CORIN: variants seen among roughly 807,000 people sequenced by gnomAD.
CORIN encodes the protein atrial natriuretic peptide-converting enzyme.
A neutral mutation model predicts 125.3 loss-of-function variants in CORIN; 117 were observed. The observed-to-expected ratio is 0.93, with a 90% CI of 0.80 to 1.09. CORIN has a LOEUF of 1.09. Among genes scored for constraint, CORIN ranks in the 50% least tolerant of loss-of-function variants. The pLI is 0.00. For missense variants in CORIN, 1,253 were observed against 1,306.7 expected (o/e 0.96, Z 0.63); for synonymous variants, 450 against 466.4 (o/e 0.96, Z 0.45).
In CORIN at chr4:47,613,725, G is replaced by A. The variant is rs1481783752; in HGVS notation, c.2540+9846C>T. On this transcript the variant is annotated intron_variant, in intron 19 of 21. Coordinates refer to ENST00000273857, the MANE Select transcript of CORIN (RefSeq NM_006587.4). Reference sequence around the variant, plus strand: ...TCGCAAGAACAAAAAACCAAACACCGCATGTTCTCACTCATAGGTGGGAAT... The same window carrying A: ...TCGCAAGAACAAAAAACCAAACACCACATGTTCTCACTCATAGGTGGGAAT... 4.1e-5 allele frequency among the ~76,000 whole-genome samples: 6 copies of A among 147,650 alleles called. No homozygotes were observed. The South Asian group carries it at 6.5e-4, about 16-fold the overall frequency.
At chr4:47,675,001 G>A (rs1724950523) in intron 9 of CORIN, among the ~76,000 whole-genome samples, 1 of 152,158 alleles carries the variant, frequency 6.6e-6, no homozygotes, top group African/African-American at 2.4e-5. Context: ...CATAATACAA[G>A]TGTTATGCAG....
intron 5 of CORIN, among the ~76,000 whole-genome samples, chr4:47,742,237 C>T (rs990497876): frequency 3.3e-5 from 5 of 151,802 alleles, no homozygotes; most frequent in African/African-American, 1.2e-4. Flanking sequence ...CCAAGAGTAT[C>T]CTAAAAACCC....
At chr4:47,828,588 T>C (rs1732837087) in intron 1 of CORIN, among the ~76,000 whole-genome samples, 1 of 152,200 alleles carries the variant, frequency 6.6e-6, no homozygotes, top group Non-Finnish European at 1.5e-5. Flanking sequence ...ACCTCCCAGA[T>C]AATCCAAGAT....
rs144941289 is a variant in CORIN, at chr4:47,661,719, T to C, written c.1727A>G (p.Tyr576Cys). 530 of 1,611,006 alleles carry C rather than the reference T, an allele frequency of 3.3e-4. 3 individuals carry two copies. The highest frequency in any genetic ancestry group is 9.9e-4 in the Middle Eastern group (6 of 6,050). The change falls in exon 12 of 22, where the codon TAT (tyrosine) becomes TGT (cysteine). Residue 576 changes from tyrosine to cysteine, a missense_variant. By Grantham distance (194) the Tyr-to-Cys change is radical (BLOSUM62 -2). Coordinates refer to ENST00000273857, the MANE Select transcript of CORIN (RefSeq NM_006587.4). The part of the protein sequence containing the change: ...DNQTCLMPDE[Y>C]VEECSPSHFK... ...TTAATTTTAAAATTAACCTTCCACA[T>C]ATTCATCAGGCATCAGGCAGGTTTG...
At position 47,613,960 on chromosome 4, in the gene CORIN, A is replaced by AT. The variant is rs967789946; in HGVS notation, c.2540+9610_2540+9611insA. ...GTACCCTAAAACTTAAAGTATAATA[A>AT]AAAAAAAAAAGAAATCAAAGTAATT... On this transcript the variant is annotated intron_variant, in intron 19 of 21. Coordinates refer to ENST00000273857, the MANE Select transcript of CORIN (RefSeq NM_006587.4). Among the ~76,000 whole-genome samples the AT allele has an allele frequency of 1.2e-4, 10 of 84,530 alleles. No individual in the cohort carries two copies. The East Asian group carries it at 0.012, about 101-fold the overall frequency. 55.5% of individuals were successfully genotyped at this position (84,530 alleles called of 152,430 possible).
intron 5 of CORIN, among the ~76,000 whole-genome samples, chr4:47,724,406 TA>T (rs1727496213): frequency 6.6e-6 from 1 of 152,020 alleles, no homozygotes; most frequent in South Asian, 2.1e-4. Context: ...AAAGGTCCAA[TA>T]TTGATGTCAT....
At chr4:47,808,997 T>C (rs899411750) in intron 1 of CORIN, among the ~76,000 whole-genome samples, 2 of 152,156 alleles carry the variant, frequency 1.3e-5, no homozygotes, top group Non-Finnish European at 2.9e-5. Flanking sequence ...TAAAGTGATA[T>C]AAGAATTCAA....
At chr4:47,810,259 C>G (rs946843707) in intron 1 of CORIN, among the ~76,000 whole-genome samples, 4 of 152,086 alleles carry the variant, frequency 2.6e-5, no homozygotes, top group African/African-American at 9.7e-5. Context: ...ATGATCTCGG[C>G]TCATTGCAAC....
At chr4:47,736,723 C>G (rs1261034159) in intron 5 of CORIN, among the ~76,000 whole-genome samples, 3 of 152,138 alleles carry the variant, frequency 2.0e-5, no homozygotes, top group African/African-American at 7.2e-5. Flanking sequence ...AGAACATGCC[C>G]TAAGAGTCTA....
intron 5 of CORIN, among the ~76,000 whole-genome samples, chr4:47,698,763 C>A (rs760190740): frequency 6.6e-6 from 1 of 152,162 alleles, no homozygotes; most frequent in Admixed American, 6.5e-5. Flanking sequence ...CCATGTACCA[C>A]GTAACAACAT....
At position 47,744,485 on chromosome 4, in the gene CORIN, C is replaced by A. The variant is rs1310476010; in HGVS notation, c.716G>T (p.Arg239Ile). 1 of 1,613,930 alleles carries A rather than the reference C, an allele frequency of 6.2e-7. No homozygotes were observed. Among genetic ancestry groups the A allele is most frequent in the Non-Finnish European group, 8.5e-7 (1 of 1,179,982 alleles). Residue 239 changes from arginine (R) to isoleucine (I), a missense_variant, in exon 5 of 22, where the codon AGA (arginine) becomes ATA (isoleucine). By Grantham distance (97) the Arg-to-Ile change is moderately conservative (BLOSUM62 -3). Transcript: ENST00000273857. ...MVNYSWPDFL[R>I]CSQFRNQTES... is the part of the protein sequence containing the mutation. ...AGTTTGGTTTCTAAACTGGGAGCAT[C>A]TGAGGAAATCCGGCCAGGAGTAATT...
At chr4:47,804,262 G>A (rs1731669176) in intron 2 of CORIN, among the ~76,000 whole-genome samples, 1 of 152,166 alleles carries the variant, frequency 6.6e-6, no homozygotes, top group Non-Finnish European at 1.5e-5. Flanking sequence ...TGATGGGAAT[G>A]TAAATTAGTA....
chr4:47,731,176 G>C (rs1218000056), intron 5 of CORIN, among the ~76,000 whole-genome samples: 1 of 152,232 alleles, frequency 6.6e-6, no homozygotes, highest in Non-Finnish European at 1.5e-5. Flanking sequence ...GGAGGGAAAA[G>C]CTGGGAGAAG....
At position 47,740,209 on chromosome 4, in the gene CORIN, C is replaced by T. The variant is rs115642400; in HGVS notation, c.799+4193G>A. On this transcript the variant is annotated intron_variant, in intron 5 of 21. Transcript: ENST00000273857. ...CAGAAACACAAATAGGTTGTAAGCT[C>T]AAAAATGGAAATTTTTAGGTGCCTA... Among the ~76,000 whole-genome samples the T allele has an allele frequency of 3.6e-3, 550 of 151,938 alleles. 4 individuals carry two copies. Among genetic ancestry groups the T allele is most frequent in the African/African-American group, 0.012 (514 of 41,536 alleles).
intron 11 of CORIN, among the ~76,000 whole-genome samples, chr4:47,664,047 A>T (rs948283478): frequency 2.0e-5 from 3 of 152,012 alleles, no homozygotes; most frequent in African/African-American, 4.8e-5. Flanking sequence ...ACTGCTTTTT[A>T]AAAAAAACTC....
intron 2 of CORIN, among the ~76,000 whole-genome samples, chr4:47,794,164 AT>A (rs932972928): frequency 3.3e-5 from 5 of 152,164 alleles, no homozygotes; most frequent in African/African-American, 1.2e-4. Context: ...AGAAACAAGA[AT>A]TTGGGAGGTT....
chr4:47,739,560 GATAAA>G (rs1318393894), intron 5 of CORIN, among the ~76,000 whole-genome samples: 1 of 151,876 alleles, frequency 6.6e-6, no homozygotes, highest in Non-Finnish European at 1.5e-5. Context: ...AGTCCTTTGG[GATAAA>G]ATAAAAGGAC....
intron 1 of CORIN, among the ~76,000 whole-genome samples, chr4:47,836,941 C>T (rs1039660151): frequency 2.0e-5 from 3 of 152,224 alleles, no homozygotes; most frequent in Non-Finnish European, 4.4e-5. Context: ...AGCTGGGACC[C>T]TCGCGGTAGC....
chr4:47,696,243 G>A (rs1725996211), intron 5 of CORIN, among the ~76,000 whole-genome samples: 1 of 152,096 alleles, frequency 6.6e-6, no homozygotes, highest in Non-Finnish European at 1.5e-5. Context: ...AGGCTTTTGA[G>A]TGGCCCCTTA....
Sources: gnomAD v4.1 joint callset for allele counts (sites outside exome capture counted in the v4.1 genomes callset) on GRCh38, gnomAD v4.1.1 for gene constraint, MANE v1.5 for transcripts, NCBI Gene and HGNC (gene_info 2026-07-23, HGNC 2026-07-21) for gene names.